The following C5orf34 variants were observed in gnomAD, a reference collection of about 807,000 sequenced individuals.
C5orf34 encodes uncharacterized protein C5orf34.
C5orf34 carries 73 observed loss-of-function variants against 78.4 expected under a neutral mutation model. The observed-to-expected ratio is 0.93, with a 90% confidence interval of 0.77 to 1.13. The LOEUF (loss-of-function observed/expected upper bound fraction) is 1.13, where lower values mean the gene tolerates loss of function less well. Ranked by LOEUF, C5orf34 falls within the 50% of genes most tolerant of loss-of-function variation. The probability of loss-of-function intolerance (pLI) is 0.00; values close to 1 mark genes in which losing one functional copy is unlikely to be tolerated. For synonymous variants in C5orf34, 251 were observed against 246.6 expected, an observed-to-expected ratio of 1.02 and a Z score of -0.17; for missense variants, 730 against 732.7, an observed-to-expected ratio of 1.00 and a Z score of 0.04.
intron 1 of C5orf34, chr5:43,511,237 C>A (rs1197903821): frequency 5.8e-6 from 1 of 172,040 alleles, no homozygotes; most frequent in Non-Finnish European, 1.2e-5. Context: ...AGGAGCCTCT[C>A]CGCCTGGCAG....
intron 2 of C5orf34, 117 bp from the exon 3 acceptor site, chr5:43,508,783 C>T (rs1321281656): frequency 2.8e-6 from 2 of 724,704 alleles, no homozygotes; most frequent in African/African-American, 1.8e-5. Flanking sequence ...GCCACGTCAA[C>T]AGTATTTTGG....
intron 1 of C5orf34, 130 bp from the exon 2 acceptor site, chr5:43,509,505 T>C: frequency 3.8e-6 from 2 of 526,030 alleles, no homozygotes; most frequent in South Asian, 6.8e-5. Flanking sequence ...GAATACTAAC[T>C]ACACTGGATA....
chr5:43,505,537 T>A, intron 4 of C5orf34: 1 of 518,588 alleles, frequency 1.9e-6, no homozygotes, highest in Non-Finnish European at 3.4e-6. Context: ...CAGTATCTAG[T>A]GTAGAGTCAG....
intron 6 of C5orf34, among the ~76,000 whole-genome samples, chr5:43,497,243 T>C (rs1003568342): frequency 6.6e-6 from 1 of 152,226 alleles, no homozygotes; most frequent in Non-Finnish European, 1.5e-5. Context: ...TTGATTTCTT[T>C]TTAGATAATA....
intron 6 of C5orf34, chr5:43,496,549 G>T (rs1745535180): frequency 3.2e-5 from 29 of 914,298 alleles, no homozygotes; most frequent in African/African-American, 5.4e-5. Flanking sequence ...TAAAAATATA[G>T]AATTACTCCT....
intron 12 of C5orf34, 55 bp downstream of exon 12, chr5:43,487,854 G>A (rs1745126340): frequency 2.3e-6 from 3 of 1,323,640 alleles, no homozygotes; most frequent in Non-Finnish European, 3.2e-6. Flanking sequence ...CATGAATTAA[G>A]CCTAGAATGA....
At position 43,515,097 on chromosome 5, in the gene C5orf34, A is replaced by C. The variant is rs1746432657; in HGVS notation, c.-328T>G. 6.6e-6 allele frequency: 1 copy of C among 152,290 alleles called. No homozygotes were observed. Among genetic ancestry groups the C allele is most frequent in the African/African-American group, 2.4e-5 (1 of 41,470 alleles). 9.4% of individuals were successfully genotyped at this position (152,290 alleles called of 1,614,324 possible). A position where few individuals can be genotyped will look rare whatever the true frequency, so the allele number is the denominator to read the frequency against. ...CACTAAGAGAAAGCGCAAACCGCAC[A>C]AGACCAGTTCAAAACCAGCGCCCTC... On this transcript the variant is annotated 5_prime_UTR_variant, in exon 1 of 13. Transcript: ENST00000306862.
chr5:43,513,231 TTC>T (rs1374723736), intron 1 of C5orf34, among the ~76,000 whole-genome samples: 1 of 152,214 alleles, frequency 6.6e-6, no homozygotes, highest in Non-Finnish European at 1.5e-5. Flanking sequence ...TTTAATTATT[TTC>T]TTTCTCTAGA....
chr5:43,487,185 G>T, intron 12 of C5orf34, 74 bp from the exon 13 acceptor site: 1 of 670,480 alleles, frequency 1.5e-6, no homozygotes, highest in Non-Finnish European at 2.3e-6. Flanking sequence ...GAAAGCATAG[G>T]CTTCATATTA....
At chr5:43,501,264 T>C (rs941979918) in intron 6 of C5orf34, among the ~76,000 whole-genome samples, 3 of 152,236 alleles carry the variant, frequency 2.0e-5, no homozygotes, top group East Asian at 1.9e-4. Flanking sequence ...TGATGTACTA[T>C]ATAAACACAC....
rs956980689 is a variant in C5orf34 at position 43,514,930 on chromosome 5, T to A, written c.-161A>T. ...CACCACTGCTTCTTCAGGGGTTTCT[T>A]CAGTTTGACAAATTACCAGCGAGTG... On this transcript the variant is annotated 5_prime_UTR_variant, in exon 1 of 13. Coordinates refer to ENST00000306862, the MANE Select transcript of C5orf34 (RefSeq NM_198566.4). 2 of 152,110 alleles carry A rather than the reference T, an allele frequency of 1.3e-5. No individual in the cohort carries two copies. Among genetic ancestry groups the A allele is most frequent in the African/African-American group, 4.8e-5 (2 of 41,396 alleles). 9.4% of individuals were successfully genotyped at this position (152,110 alleles called of 1,614,324 possible).
At chr5:43,498,699 G>A (rs1165249279) in intron 6 of C5orf34, among the ~76,000 whole-genome samples, 1 of 152,126 alleles carries the variant, frequency 6.6e-6, no homozygotes, top group African/African-American at 2.4e-5. Context: ...TCTTCTGACT[G>A]GTTCTACAGC....
chr5:43,488,031 T>C, intron 11 of C5orf34, 82 bp from the exon 12 acceptor site: 3 of 1,024,630 alleles, frequency 2.9e-6, no homozygotes, highest in Non-Finnish European at 2.9e-6. Context: ...TACCTGACTT[T>C]TTTTTTCATT....
chr5:43,489,251 G>A (rs527326320), intron 11 of C5orf34, among the ~76,000 whole-genome samples: 5 of 151,610 alleles, frequency 3.3e-5, no homozygotes, highest in South Asian at 4.2e-4. Flanking sequence ...AGGGTGTGGC[G>A]GAAAAAAAAT....
chr5:43,514,563 G>C (rs1054506141), intron 1 of C5orf34, among the ~76,000 whole-genome samples: 58 of 152,054 alleles, frequency 3.8e-4, no homozygotes, highest in Non-Finnish European at 2.9e-5. Context: ...TAATGACTAA[G>C]GTTCTTGGCA....
At chr5:43,508,064 T>C (rs1180605555) in intron 3 of C5orf34, among the ~76,000 whole-genome samples, 3 of 130,420 alleles carry the variant, frequency 2.3e-5, no homozygotes, top group African/African-American at 8.8e-5. Flanking sequence ...GGCGACAGTG[T>C]GAGACTCCGT....
At chr5:43,490,865 A>G (rs1745252858) in intron 10 of C5orf34, 136 bp from the exon 11 acceptor site, 3 of 493,062 alleles carry the variant, frequency 6.1e-6, no homozygotes, top group Non-Finnish European at 7.1e-6. Context: ...TTTACTGGGC[A>G]ATTCTCAAAA....
chr5:43,487,772 T>A (rs3776423), intron 12 of C5orf34, 137 bp downstream of exon 12: 6 of 643,654 alleles, frequency 9.3e-6, no homozygotes, highest in African/African-American at 7.6e-5. Context: ...AATTACAATC[T>A]TAGGTATTTG....
intron 5 of C5orf34, among the ~76,000 whole-genome samples, chr5:43,502,971 A>C (rs1745826322): frequency 6.6e-6 from 1 of 152,248 alleles, no homozygotes; most frequent in Non-Finnish European, 1.5e-5. Context: ...AGGTACAATC[A>C]AGGTACTGGG....
Sources: gnomAD v4.1 joint callset for allele counts (sites outside exome capture counted in the v4.1 genomes callset) on GRCh38, gnomAD v4.1.1 for gene constraint, MANE v1.5 for transcripts, NCBI Gene and HGNC (gene_info 2026-07-23, HGNC 2026-07-21) for gene names.